PUDP: variants seen among roughly 807,000 people sequenced by gnomAD.
The protein encoded by PUDP is pseudouridine 5'-phosphatase.
A neutral mutation model predicts 9.4 loss-of-function variants in PUDP; 8 were observed. The observed-to-expected ratio is 0.85, with a 90% CI of 0.50 to 1.53. PUDP has a LOEUF of 1.53. PUDP is among the 40% of genes most tolerant of loss of function. The pLI is 0.00. For missense variants in PUDP, 188 were observed against 189.7 expected (o/e 0.99, Z 0.05); for synonymous variants, 99 against 80.7 (o/e 1.23, Z -1.22).
intron 3 of PUDP, among the ~76,000 whole-genome samples, chrX:6,762,703 T>G (rs1925241421): frequency 8.9e-6 from 1 of 112,521 alleles, no homozygotes; most frequent in Admixed American, 9.4e-5. Flanking sequence ...AAGAACAGTA[T>G]GTTTTAAAGT....
intron 3 of PUDP, among the ~76,000 whole-genome samples, chrX:6,827,368 G>A (rs921946252): frequency 8.9e-6 from 1 of 112,084 alleles, no homozygotes; most frequent in African/African-American, 3.2e-5. Context: ...CCCGAGCATA[G>A]GGGCTCAAGA....
At chrX:6,825,524 G>A (rs1926411444) in intron 3 of PUDP, among the ~76,000 whole-genome samples, 1 of 111,458 alleles carries the variant, frequency 9.0e-6, no homozygotes, top group South Asian at 3.8e-4. Context: ...TGGGAGCTTG[G>A]TAAAAGGTGA....
intron 2 of PUDP, among the ~76,000 whole-genome samples, chrX:7,098,732 C>T (rs1931643183): frequency 1.8e-5 from 2 of 111,289 alleles, no homozygotes; most frequent in African/African-American, 6.5e-5. Flanking sequence ...CACGACTCTC[C>T]AGGGGGCCAG....
At chrX:7,070,621 C>T (rs1199712066) in intron 3 of PUDP, among the ~76,000 whole-genome samples, 1 of 111,018 alleles carries the variant, frequency 9.0e-6, no homozygotes, top group Non-Finnish European at 1.9e-5. Flanking sequence ...CTCTGTCACC[C>T]AGGCTGGAGT....
chrX:7,064,515 G>A (rs1162829247), intron 3 of PUDP, among the ~76,000 whole-genome samples: 1 of 111,006 alleles, frequency 9.0e-6, no homozygotes, highest in Non-Finnish European at 1.9e-5. Context: ...CCCCCTCCTC[G>A]CTCCTATTTA....
chrX:6,922,315 C>T (rs892203413), intron 3 of PUDP, among the ~76,000 whole-genome samples: 11 of 111,821 alleles, frequency 9.8e-5, no homozygotes, highest in African/African-American at 3.6e-4. Context: ...CCCCATTCTC[C>T]ATGATGTGCT....
At chrX:7,126,613 G>A (rs1198150528) in intron 1 of PUDP, among the ~76,000 whole-genome samples, 2 of 111,288 alleles carry the variant, frequency 1.8e-5, no homozygotes, top group Non-Finnish European at 3.8e-5. Flanking sequence ...GTGTCCTCAC[G>A]TGGTTGTCCG....
At chrX:6,732,937 C>T (rs1924826986) in intron 3 of PUDP, among the ~76,000 whole-genome samples, 1 of 111,695 alleles carries the variant, frequency 9.0e-6, no homozygotes, top group African/African-American at 3.3e-5. Flanking sequence ...GCGGCCCGCA[C>T]GGACCATAAA....
upstream of PUDP, among the ~76,000 whole-genome samples, chrX:6,724,223 T>A (rs1924711958): frequency 9.0e-6 from 1 of 111,337 alleles, no homozygotes; most frequent in Admixed American, 9.6e-5. Flanking sequence ...AAAAGCACAA[T>A]TTCAGAATTT....
intron 3 of PUDP, among the ~76,000 whole-genome samples, chrX:6,927,219 C>T (rs1210131968): frequency 9.0e-6 from 1 of 110,724 alleles, no homozygotes; most frequent in African/African-American, 3.3e-5. Flanking sequence ...TAGGCATGAG[C>T]CATGGTGCCT....
At chrX:6,945,217 T>C (rs1398128839) in intron 3 of PUDP, among the ~76,000 whole-genome samples, 2 of 111,112 alleles carry the variant, frequency 1.8e-5, no homozygotes, top group African/African-American at 3.3e-5. Flanking sequence ...GAGTGGACCC[T>C]AGTTCGGTTT....
chrX:7,117,466 C>A (rs1475342532), intron 1 of PUDP, among the ~76,000 whole-genome samples: 1 of 112,521 alleles, frequency 8.9e-6, no homozygotes, highest in African/African-American at 3.2e-5. Flanking sequence ...CAGGGTAATC[C>A]TTTAGGTTAT....
At chrX:6,767,234 T>G (rs1925296457) in intron 3 of PUDP, among the ~76,000 whole-genome samples, 1 of 113,071 alleles carries the variant, frequency 8.8e-6, no homozygotes, top group African/African-American at 3.2e-5. Flanking sequence ...TGGTCAACCA[T>G]GGCATGCGTT....
At chrX:7,079,699 T>C (rs918611147) in intron 2 of PUDP, among the ~76,000 whole-genome samples, 2 of 112,923 alleles carry the variant, frequency 1.8e-5, no homozygotes, top group African/African-American at 6.4e-5. Flanking sequence ...TACACTTCTA[T>C]GTAAGACATG....
intron 3 of PUDP, among the ~76,000 whole-genome samples, chrX:7,071,356 T>A (rs1930726596): frequency 9.0e-6 from 1 of 111,671 alleles, no homozygotes; most frequent in South Asian, 3.8e-4. Context: ...CTATTTCTAA[T>A]CTGTCACCCA....
chrX:7,130,714 C>T (rs1199656832), intron 1 of PUDP, among the ~76,000 whole-genome samples: 4 of 110,285 alleles, frequency 3.6e-5, no homozygotes, highest in East Asian at 2.9e-4. Flanking sequence ...GGCAAAACCC[C>T]GTCTCTACTA....
chrX:7,030,211 T>C (rs763039422), intron 1 of PUDP, among the ~76,000 whole-genome samples: 3 of 111,289 alleles, frequency 2.7e-5, no homozygotes, highest in Non-Finnish European at 3.8e-5. Context: ...TTTAGATTCA[T>C]GGCGGCCAAC....
chrX:6,797,060 T>C (rs773528052), intron 3 of PUDP, among the ~76,000 whole-genome samples: 1 of 112,025 alleles, frequency 8.9e-6, no homozygotes, highest in Non-Finnish European at 1.9e-5. Context: ...AATTGTTAAA[T>C]TTAAAAAAGA....
At chrX:6,863,973 T>A (rs1031483297) in intron 3 of PUDP, among the ~76,000 whole-genome samples, 2 of 111,454 alleles carry the variant, frequency 1.8e-5, no homozygotes, top group Non-Finnish European at 3.8e-5. Flanking sequence ...GGGGTCCATC[T>A]TAGTTGATAG....
Sources: allele counts gnomAD v4.1 joint callset (sites outside exome capture counted in the v4.1 genomes callset), GRCh38; gene constraint gnomAD v4.1.1; transcripts MANE v1.5; gene names NCBI Gene and HGNC (gene_info 2026-07-23, HGNC 2026-07-21).